The following YEATS4 variants were observed in gnomAD, a reference collection of about 807,000 sequenced individuals.
The protein encoded by YEATS4 is YEATS domain containing 4.
In YEATS4, 17 loss-of-function variants were observed where a neutral mutation model predicts 30.1. That is an observed-to-expected ratio of 0.56 (90% confidence interval 0.39 to 0.85). The LOEUF (loss-of-function observed/expected upper bound fraction) is 0.85. YEATS4 is among the 40% of genes least tolerant of loss of function. The probability of loss-of-function intolerance (pLI) is 0.00; values close to 1 mark genes in which losing one functional copy is unlikely to be tolerated. For missense variants in YEATS4, 142 were observed against 268.3 expected (o/e 0.53, Z 3.29); for synonymous variants, 85 against 87.5 (o/e 0.97, Z 0.16).
intron 6 of YEATS4, among the ~76,000 whole-genome samples, chr12:69,378,536 TTA>T (rs1295729423): frequency 5.9e-5 from 9 of 152,190 alleles, no homozygotes; most frequent in African/African-American, 2.2e-4. Flanking sequence ...TGTTTCTCTT[TTA>T]TGTTTCTAGG....
intron 1 of YEATS4, among the ~76,000 whole-genome samples, chr12:69,360,754 C>T (rs1424439029): frequency 2.0e-5 from 3 of 151,688 alleles, no homozygotes; most frequent in Non-Finnish European, 4.4e-5. Context: ...CAACCTCGGC[C>T]TCCCAAAGTG....
At chr12:69,363,206 GA>G (rs1875299014) in intron 2 of YEATS4, among the ~76,000 whole-genome samples, 1 of 151,762 alleles carries the variant, frequency 6.6e-6, no homozygotes, top group East Asian at 1.9e-4. Flanking sequence ...TGTTAGCCAG[GA>G]TGGTCTCAAT....
At chr12:69,370,419 C>T (rs1875593596) in intron 4 of YEATS4, among the ~76,000 whole-genome samples, 1 of 152,126 alleles carries the variant, frequency 6.6e-6, no homozygotes, top group African/African-American at 2.4e-5. Flanking sequence ...AGTTTAATTT[C>T]TATAGCTTTA....
chr12:69,374,297 GT>G (rs1407744592), intron 6 of YEATS4, among the ~76,000 whole-genome samples: 1 of 151,624 alleles, frequency 6.6e-6, no homozygotes, highest in Non-Finnish European at 1.5e-5. Flanking sequence ...GTTCTCTTCC[GT>G]TTCTTTCATT....
intron 6 of YEATS4, among the ~76,000 whole-genome samples, chr12:69,375,872 G>T (rs1437304732): frequency 6.6e-6 from 1 of 152,038 alleles, no homozygotes; most frequent in East Asian, 1.9e-4. Context: ...GCCTGGGCTC[G>T]GCATCAGAGG....
At chr12:69,423,609 G>A in the YEATS4 span, among the ~76,000 whole-genome samples, 3 of 152,172 alleles carry the variant, frequency 2.0e-5, no homozygotes, top group Non-Finnish European at 4.4e-5. Flanking sequence ...AGGAGGGGGT[G>A]AAGTTGAAGA....
At chr12:69,408,728 C>T in the YEATS4 span, among the ~76,000 whole-genome samples, 1 of 152,244 alleles carries the variant, frequency 6.6e-6, no homozygotes, top group Non-Finnish European at 1.5e-5. Context: ...CTCATCGCTC[C>T]AGCCTGAGTA....
the YEATS4 span, among the ~76,000 whole-genome samples, chr12:69,399,106 C>T: frequency 2.7e-5 from 4 of 148,098 alleles, no homozygotes; most frequent in Non-Finnish European, 6.0e-5. Flanking sequence ...AAGATCACAC[C>T]ACTGCACTCC....
Position 69,359,833 on chromosome 12 carries a change from A to G in YEATS4, c.-140A>G. ...GAGTTGACGGTTACTCACCGCCGTGAGCCCAAGTAACTCGCCCTCCTTCGG... is the reference window on the plus strand; with the variant it reads ...GAGTTGACGGTTACTCACCGCCGTGGGCCCAAGTAACTCGCCCTCCTTCGG... On this transcript the variant is annotated 5_prime_UTR_variant, in exon 1 of 7. Coordinates refer to ENST00000247843, the MANE Select transcript of YEATS4 (RefSeq NM_006530.4). The G allele has an allele frequency of 1.0e-6, 1 of 976,216 alleles. No individual in the cohort carries two copies. The highest frequency in any genetic ancestry group is 1.7e-5 in the South Asian group (1 of 60,486). 60.5% of individuals were successfully genotyped at this position (976,216 alleles called of 1,614,324 possible).
intron 2 of YEATS4, among the ~76,000 whole-genome samples, chr12:69,363,867 A>G (rs1372315930): frequency 6.6e-6 from 1 of 152,240 alleles, no homozygotes; most frequent in African/African-American, 2.4e-5. Flanking sequence ...GAATATTATC[A>G]AGCAATAAAA....
the YEATS4 span, among the ~76,000 whole-genome samples, chr12:69,416,692 A>G: frequency 2.6e-5 from 4 of 152,310 alleles, no homozygotes; most frequent in South Asian, 8.3e-4. Context: ...ATGACAGGCT[A>G]CTTCGCTCAG....
chr12:69,415,149 G>A, the YEATS4 span, among the ~76,000 whole-genome samples: 15 of 152,298 alleles, frequency 9.8e-5, no homozygotes, highest in Non-Finnish European at 2.2e-4. Context: ...AAGGCAGTAA[G>A]AGAGAAAGAA....
At chr12:69,394,091 TAGGAA>T (rs998115736), downstream of YEATS4, among the ~76,000 whole-genome samples, 1 of 152,094 alleles carries the variant, frequency 6.6e-6, no homozygotes, top group African/African-American at 2.4e-5. Context: ...AGGGGGCAGT[TAGGAA>T]AGGAGAAAGA....
At chr12:69,411,549 A>T in the YEATS4 span, among the ~76,000 whole-genome samples, 1 of 152,208 alleles carries the variant, frequency 6.6e-6, no homozygotes, top group Non-Finnish European at 1.5e-5. Context: ...ATAATAAATT[A>T]ATTAATTACA....
chr12:69,374,568 T>C (rs1875768339), intron 6 of YEATS4, among the ~76,000 whole-genome samples: 1 of 152,154 alleles, frequency 6.6e-6, no homozygotes, highest in African/African-American at 2.4e-5. Flanking sequence ...CTTCCCGCAG[T>C]GTTTGTGTCC....
the YEATS4 span, among the ~76,000 whole-genome samples, chr12:69,421,711 C>T: frequency 6.6e-6 from 1 of 152,160 alleles, no homozygotes; most frequent in African/African-American, 2.4e-5. Flanking sequence ...CAAATGCTTA[C>T]AAGAAGGATA....
chr12:69,402,253 G>T, the YEATS4 span, among the ~76,000 whole-genome samples: 2 of 152,226 alleles, frequency 1.3e-5, no homozygotes, highest in Non-Finnish European at 2.9e-5. Flanking sequence ...GTCCAGTTGT[G>T]TTCCAAGATA....
At chr12:69,415,876 C>T in the YEATS4 span, among the ~76,000 whole-genome samples, 1 of 152,228 alleles carries the variant, frequency 6.6e-6, no homozygotes, top group Non-Finnish European at 1.5e-5. Flanking sequence ...AACATCAACC[C>T]TTTAAGATGC....
the YEATS4 span, among the ~76,000 whole-genome samples, chr12:69,415,017 T>C: frequency 3.3e-5 from 5 of 152,310 alleles, no homozygotes; most frequent in South Asian, 2.1e-4. Context: ...TCCTGCAGGA[T>C]GCATGCAGAT....
Sources: gnomAD v4.1 joint callset for allele counts (sites outside exome capture counted in the v4.1 genomes callset) on GRCh38, gnomAD v4.1.1 for gene constraint, MANE v1.5 for transcripts, NCBI Gene and HGNC (gene_info 2026-07-23, HGNC 2026-07-21) for gene names.